The following BCKDK variants were observed in gnomAD, a reference collection of about 807,000 sequenced individuals.
BCKDK encodes branched-chain alpha-ketoacid dehydrogenase kinase.
BCKDK carries 28 observed loss-of-function variants against 43.9 expected under a neutral mutation model. The ratio of observed to expected loss-of-function variants is 0.64; its 90% CI spans 0.47 to 0.87. The LOEUF is 0.87. Among genes scored for constraint, BCKDK ranks in the 40% least tolerant of loss-of-function variants. BCKDK has a pLI of 0.00. For synonymous variants in BCKDK, 257 were observed against 234.3 expected (o/e 1.10, Z -0.88); for missense variants, 483 against 581.4 (o/e 0.83, Z 1.74).
downstream of BCKDK, among the ~76,000 whole-genome samples, chr16:31,117,236 GGC>G (rs936369832): frequency 4.9e-4 from 74 of 151,740 alleles, no homozygotes; most frequent in Admixed American, 2.8e-3. Flanking sequence ...TGGGCGTGGT[GGC>G]GCGCGCCTGC....
chr16:31,111,078 C>G lies in BCKDK; in HGVS notation c.717-13C>G. On this transcript the variant is annotated splice_polypyrimidine_tract_variant and intron_variant, in intron 8 of 11. Coordinates refer to ENST00000219794, the MANE Select transcript of BCKDK (RefSeq NM_005881.4). Reference sequence around the variant, plus strand: ...GGAGGGGCCCCTGACTGAACCCTCGCTCCTATCCGCAGACGCCTGTGTGAG... The same window carrying G: ...GGAGGGGCCCCTGACTGAACCCTCGGTCCTATCCGCAGACGCCTGTGTGAG... The G allele has an allele frequency of 6.2e-7, 1 of 1,613,664 alleles. No individual in the cohort carries two copies. Among genetic ancestry groups the G allele is most frequent in the African/African-American group, 1.3e-5 (1 of 75,048 alleles).
In BCKDK at chr16:31,109,754, A is replaced by G. The variant is rs779596120; in HGVS notation, c.346A>G (p.Ile116Val). The change falls in exon 4 of 12, where the codon ATT becomes GTT. Residue 116 changes from isoleucine to valine, a missense_variant. Coordinates refer to ENST00000219794, the MANE Select transcript of BCKDK (RefSeq NM_005881.4). The surrounding 1 kb of genome is among the most constrained non-coding windows in gnomAD (Gnocchi z 5.3). ...IKGFRCLPFI[I>V]GCNPTILHVH... Reference sequence around the variant, plus strand: ...GGGCTTCCGCTGCCTTCCTTTCATCATTGGCTGCAACCCCACCATACTGCA... The same window carrying G: ...GGGCTTCCGCTGCCTTCCTTTCATCGTTGGCTGCAACCCCACCATACTGCA... 6.2e-7 allele frequency: 1 copy of G among 1,613,722 alleles called. No individual in the cohort carries two copies. Among genetic ancestry groups the G allele is most frequent in the South Asian group, 1.1e-5 (1 of 91,076 alleles).
chr16:31,111,260 C>G lies in BCKDK; in HGVS notation c.846-40C>G, dbSNP rs1300495451. 3 of 1,614,106 alleles carry G rather than the reference C, an allele frequency of 1.9e-6. No individual in the cohort carries two copies. The Admixed American group carries it at 5.0e-5, about 27-fold the overall frequency. On this transcript the variant is annotated intron_variant, in intron 9 of 11. Coordinates refer to ENST00000219794, the MANE Select transcript of BCKDK (RefSeq NM_005881.4). ...GTGCTGGCTTGGGGGCGGACAGGAA[C>G]CGGGGTGCTTGTACCTACTGGTCTT...
At chr16:31,115,937 C>T (rs1017619674), downstream of BCKDK, 2 of 152,196 alleles carry the variant, frequency 1.3e-5, no homozygotes, top group African/African-American at 2.4e-5. Context: ...TGGCTTTAAC[C>T]TTTACTGACT....
At chr16:31,116,385 G>C (rs974276029), downstream of BCKDK, among the ~76,000 whole-genome samples, 1 of 150,092 alleles carries the variant, frequency 6.7e-6, no homozygotes, top group Non-Finnish European at 1.5e-5. Flanking sequence ...GCTAAATTTT[G>C]TATTTTTAGT....
At chr16:31,113,163 C>T (rs2143949247), downstream of BCKDK, among the ~76,000 whole-genome samples, 1 of 152,250 alleles carries the variant, frequency 6.6e-6, no homozygotes, top group Non-Finnish European at 1.5e-5. Flanking sequence ...ACCCACCTTG[C>T]CAGGGAAGAA....
At position 31,109,217 on chromosome 16, in the gene BCKDK, C is replaced by A; in HGVS notation, c.-7C>A. On this transcript the variant is annotated 5_prime_UTR_variant, in exon 2 of 12. Transcript: ENST00000219794. The surrounding 1 kb of genome is among the most constrained non-coding windows in gnomAD (Gnocchi z 5.3). ...TAGCGGCCACCGGGTCTGAAAGGAG[C>A]AAGACGATGATCCTGGCGTCGGTGC... 1.3e-6 allele frequency: 2 copies of A among 1,508,784 alleles called. No homozygotes were observed. The highest frequency in any genetic ancestry group is 2.3e-5 in the East Asian group (1 of 43,798). 93.5% of individuals were successfully genotyped at this position (1,508,784 alleles called of 1,614,324 possible). A position where few individuals can be genotyped will look rare whatever the true frequency, so the allele number is the denominator to read the frequency against.
At chr16:31,111,739 G>C in intron 10 of BCKDK, 130 bp from the exon 11 acceptor site, 1 of 1,241,130 alleles carries the variant, frequency 8.1e-7, no homozygotes, top group East Asian at 2.3e-5. Context: ...CAAGGCCCAA[G>C]GGTCTAGGTG....
downstream of BCKDK, among the ~76,000 whole-genome samples, chr16:31,113,968 T>C (rs2143950271): frequency 6.6e-6 from 1 of 152,280 alleles, no homozygotes; most frequent in East Asian, 1.9e-4. Flanking sequence ...GGGTTGAAGG[T>C]AAGAGAGCTA....
At chr16:31,113,069 C>T (rs1399478962), downstream of BCKDK, among the ~76,000 whole-genome samples, 1 of 152,220 alleles carries the variant, frequency 6.6e-6, no homozygotes, top group Non-Finnish European at 1.5e-5. Context: ...TAGAAAGGAC[C>T]AAGGATTTGG....
downstream of BCKDK, among the ~76,000 whole-genome samples, chr16:31,114,297 C>CG (rs991333955): frequency 5.4e-5 from 8 of 148,666 alleles, no homozygotes; most frequent in African/African-American, 1.2e-4. Flanking sequence ...CCCACCCCCC[C>CG]CCAACCCCAG....
rs1479515648 is a variant in BCKDK, at chr16:31,112,367, T to A, written c.*102T>A. 3.2e-6 allele frequency: 5 copies of A among 1,555,656 alleles called. No individual in the cohort carries two copies. Among genetic ancestry groups the A allele is most frequent in the Non-Finnish European group, 4.4e-6 (5 of 1,145,234 alleles). The stretch of plus-strand genomic sequence containing the variant: ...GCCCCCTGCTCCACACACTGCTGCA[T>A]CTTGGGTCTCAGGGACCCAGACAGA... On this transcript the variant is annotated 3_prime_UTR_variant, in exon 12 of 12. Transcript: ENST00000219794. This position sits in a 1 kb window ranked among gnomAD's most constrained non-coding sequence, Gnocchi z 5.0.
chr16:31,113,722 C>T (rs965288155), downstream of BCKDK, among the ~76,000 whole-genome samples: 3 of 152,156 alleles, frequency 2.0e-5, no homozygotes. Context: ...GATCCTTCCA[C>T]CCCAGCCTCC....
Position 31,110,472 on chromosome 16 carries a change from G to A in BCKDK, c.615G>A (p.Thr205=), listed in dbSNP as rs14235. The A allele has an allele frequency of 0.36, 587,284 of 1,613,534 alleles. 118,648 individuals are homozygous for A. The highest frequency in any genetic ancestry group is 0.9 in the East Asian group (40,474 of 44,864). The change falls in exon 7 of 12, where the codon ACG becomes ACA. Residue 205 remains threonine, a synonymous_variant. Coordinates refer to ENST00000219794, the MANE Select transcript of BCKDK (RefSeq NM_005881.4). The surrounding 1 kb of genome is among the most constrained non-coding windows in gnomAD (Gnocchi z 5.4). The stretch of plus-strand genomic sequence containing the variant: ...GGCTTGGAATCCGCATGTTGGCCAC[G>A]CATCACCTGGCGCTGCATGAGGACA... ...TSRLGIRMLA[T]HHLALHEDKP...
At position 31,109,853 on chromosome 16, in the gene BCKDK, G is replaced by C. The variant is rs571884389; in HGVS notation, c.375+70G>C. On this transcript the variant is annotated intron_variant, in intron 4 of 11. Transcript: ENST00000219794. This position sits in a 1 kb window ranked among gnomAD's most constrained non-coding sequence, Gnocchi z 5.3. ...GGGCAAGTGGGGAGTCTGGGGCCCA[G>C]AGTGGCAGACGATTGCTTGCCTAAA... The C allele has an allele frequency of 1.3e-6, 2 of 1,529,926 alleles. No individual in the cohort carries two copies. Among genetic ancestry groups the C allele is most frequent in the Non-Finnish European group, 9.0e-7 (1 of 1,106,578 alleles). The allele number at this position is 1,529,926 out of a possible 1,614,324, so 94.8% of individuals were successfully genotyped here. A position where few individuals can be genotyped will look rare whatever the true frequency, so the allele number is the denominator to read the frequency against.
chr16:31,112,370 T>G lies in BCKDK; in HGVS notation c.*105T>G. On this transcript the variant is annotated 3_prime_UTR_variant, in exon 12 of 12. Coordinates refer to ENST00000219794, the MANE Select transcript of BCKDK (RefSeq NM_005881.4). This position sits in a 1 kb window ranked among gnomAD's most constrained non-coding sequence, Gnocchi z 5.0. The stretch of plus-strand genomic sequence containing the variant: ...CCCTGCTCCACACACTGCTGCATCT[T>G]GGGTCTCAGGGACCCAGACAGATGG... 1 of 1,547,426 alleles carries G rather than the reference T, an allele frequency of 6.5e-7. No homozygotes were observed. The highest frequency in any genetic ancestry group is 1.4e-5 in the African/African-American group (1 of 73,842).
At position 31,109,220 on chromosome 16, in the gene BCKDK, G is replaced by T. The variant is rs368007615; in HGVS notation, c.-4G>T. 1 of 1,510,562 alleles carries T rather than the reference G, an allele frequency of 6.6e-7. No homozygotes were observed. Among genetic ancestry groups the T allele is most frequent in the African/African-American group, 1.4e-5 (1 of 71,822 alleles). 93.6% of individuals were successfully genotyped at this position (1,510,562 alleles called of 1,614,324 possible). A position where few individuals can be genotyped will look rare whatever the true frequency, so the allele number is the denominator to read the frequency against. On this transcript the variant is annotated 5_prime_UTR_variant, in exon 2 of 12. Transcript: ENST00000219794. The surrounding 1 kb of genome is among the most constrained non-coding windows in gnomAD (Gnocchi z 5.3). ...CGGCCACCGGGTCTGAAAGGAGCAA[G>T]ACGATGATCCTGGCGTCGGTGCTGA...
In BCKDK at chr16:31,110,357, G is replaced by A. The variant is rs1410396738; in HGVS notation, c.543+33G>A. On this transcript the variant is annotated intron_variant, in intron 6 of 11. Coordinates refer to ENST00000219794, the MANE Select transcript of BCKDK (RefSeq NM_005881.4). The surrounding 1 kb of genome is among the most constrained non-coding windows in gnomAD (Gnocchi z 5.4). ...CAGCAAAGGAGAGGCCGGGCCTGCT[G>A]GGGGTGGGAAGGGCACGGGATTCTG... The A allele has an allele frequency of 6.2e-7, 1 of 1,614,070 alleles. No homozygotes were observed. Among genetic ancestry groups the A allele is most frequent in the Admixed American group, 1.7e-5 (1 of 60,018 alleles).
downstream of BCKDK, among the ~76,000 whole-genome samples, chr16:31,114,036 G>T (rs1036591588): frequency 6.6e-6 from 1 of 152,100 alleles, no homozygotes; most frequent in Non-Finnish European, 1.5e-5. Context: ...AAGTCAGTTG[G>T]GAAAGTGAAC....
Sources: gnomAD v4.1 joint callset for allele counts (sites outside exome capture counted in the v4.1 genomes callset) on GRCh38, gnomAD v4.1.1 for gene constraint, Gnocchi (gnomAD v3.1) non-coding constraint, MANE v1.5 for transcripts, NCBI Gene and HGNC (gene_info 2026-07-23, HGNC 2026-07-21) for gene names.